RBPJ: variants seen among roughly 807,000 people sequenced by gnomAD.
RBPJ encodes recombining binding protein suppressor of hairless.
A neutral mutation model predicts 67.8 loss-of-function variants in RBPJ; 9 were observed. That is an observed-to-expected ratio of 0.13 (90% CI 0.08 to 0.23). The LOEUF (loss-of-function observed/expected upper bound fraction) is 0.23, where lower values mean the gene tolerates loss of function less well. RBPJ is among the 10% of genes least tolerant of loss of function. The pLI is 1.00. For synonymous variants in RBPJ, 198 were observed against 203.3 expected, an observed-to-expected ratio of 0.97 and a Z score of 0.22; for missense variants, 305 against 595.6, an observed-to-expected ratio of 0.51 and a Z score of 5.08.
chr4:26,291,057 T>C (rs1721651196), intron 1 of RBPJ, among the ~76,000 whole-genome samples: 1 of 150,948 alleles, frequency 6.6e-6, no homozygotes, highest in Non-Finnish European at 1.5e-5. Flanking sequence ...TTATTACCCA[T>C]ATTTCTATAA....
chr4:26,246,735 T>A (rs1023033874), intron 1 of RBPJ, among the ~76,000 whole-genome samples: 25 of 152,224 alleles, frequency 1.6e-4, no homozygotes, highest in Admixed American at 9.2e-4. Context: ...TTTTGCACAG[T>A]TCTCTCTCTA....
intron 1 of RBPJ, among the ~76,000 whole-genome samples, chr4:26,193,342 A>G (rs1259089931): frequency 6.6e-6 from 1 of 152,214 alleles, no homozygotes; most frequent in South Asian, 2.1e-4. Context: ...TCTTGCTTCC[A>G]TATTGAAAAT....
At chr4:26,337,682 C>CG (rs1725006734) in intron 1 of RBPJ, among the ~76,000 whole-genome samples, 2 of 108,000 alleles carry the variant, frequency 1.9e-5, no homozygotes, top group Middle Eastern at 5.0e-3. Flanking sequence ...ATTCTTTATC[C>CG]TTTTTTTTTT....
At chr4:26,109,577 C>CTA in the RBPJ span, among the ~76,000 whole-genome samples, 47 of 49,556 alleles carry the variant, frequency 9.5e-4, 7 homozygotes, top group African/African-American at 2.9e-3. Context: ...CTCTCTCTCT[C>CTA]TCTATATATA....
chr4:26,415,461 CTAT>C lies in RBPJ; in HGVS notation c.156-9_156-7del. The C allele has an allele frequency of 6.4e-7, 1 of 1,557,640 alleles. No individual in the cohort carries two copies. Among genetic ancestry groups the C allele is most frequent in the East Asian group, 2.3e-5 (1 of 43,838 alleles). On this transcript the variant is annotated splice_polypyrimidine_tract_variant and intron_variant, in intron 3 of 10. Transcript: ENST00000355476. ...TTTGCTTCTTGTTTTTTTTTTTCCC[CTAT>C]TATTCTTCAGGTTTTTTTGCCCACC...
chr4:26,133,850 G>C, the RBPJ span, among the ~76,000 whole-genome samples: 1 of 151,986 alleles, frequency 6.6e-6, no homozygotes, highest in Non-Finnish European at 1.5e-5. Flanking sequence ...CCCCTCTTCA[G>C]ACTCTAGATT....
At chr4:26,341,243 G>T (rs1461621300) in intron 1 of RBPJ, among the ~76,000 whole-genome samples, 1 of 152,160 alleles carries the variant, frequency 6.6e-6, no homozygotes, top group Non-Finnish European at 1.5e-5. Context: ...AAACAGGAGT[G>T]TAGTATCCTA....
chr4:26,138,913 A>G, the RBPJ span, among the ~76,000 whole-genome samples: 1 of 152,232 alleles, frequency 6.6e-6, no homozygotes, highest in African/African-American at 2.4e-5. Flanking sequence ...GTGCTAGGCA[A>G]GAAGCTGGGG....
chr4:26,424,316 A>G lies in RBPJ; in HGVS notation c.497-26A>G, dbSNP rs1735423566. 6.2e-7 allele frequency: 1 copy of G among 1,609,870 alleles called. No homozygotes were observed. Among genetic ancestry groups the G allele is most frequent in the South Asian group, 1.1e-5 (1 of 90,704 alleles). The stretch of plus-strand genomic sequence containing the variant: ...TCCCCACCTTCTGCTCCAATCACAT[A>G]AATAAGAGCTGTTTTTTCTTTGCAG... On this transcript the variant is annotated intron_variant, in intron 5 of 10. Coordinates refer to ENST00000355476, the MANE Select transcript of RBPJ (RefSeq NM_015874.6). The surrounding 1 kb of genome is among the most constrained non-coding windows in gnomAD (Gnocchi z 5.3).
intron 1 of RBPJ, among the ~76,000 whole-genome samples, chr4:26,383,482 CTG>C (rs1730520707): frequency 6.6e-6 from 1 of 152,170 alleles, no homozygotes; most frequent in Admixed American, 6.5e-5. Context: ...CATTTGTTAA[CTG>C]TGTGTCTCTA....
chr4:26,200,024 G>T (rs369839850), intron 1 of RBPJ, among the ~76,000 whole-genome samples: 1 of 152,160 alleles, frequency 6.6e-6, no homozygotes, highest in African/African-American at 2.4e-5. Context: ...CTCCAGCAAC[G>T]TTTCCACGTT....
intron 1 of RBPJ, among the ~76,000 whole-genome samples, chr4:26,267,610 T>TATTA (rs1720744803): frequency 6.6e-6 from 1 of 151,752 alleles, no homozygotes; most frequent in Non-Finnish European, 1.5e-5. Flanking sequence ...TTTTTAAATT[T>TATTA]ATTTATTTAT....
the RBPJ span, among the ~76,000 whole-genome samples, chr4:26,140,150 G>A: frequency 5.9e-5 from 9 of 152,264 alleles, no homozygotes; most frequent in East Asian, 7.7e-4. Context: ...ACAGTACTAC[G>A]TAAATGTCAC....
chr4:26,302,946 C>T (rs953003028), intron 1 of RBPJ, among the ~76,000 whole-genome samples: 3 of 151,564 alleles, frequency 2.0e-5, no homozygotes, highest in Admixed American at 6.6e-5. Context: ...TTTGAGGGAC[C>T]GAGGTAGGCA....
chr4:26,350,518 G>GAA (rs1246395378), intron 1 of RBPJ, among the ~76,000 whole-genome samples: 1 of 152,142 alleles, frequency 6.6e-6, no homozygotes, highest in Non-Finnish European at 1.5e-5. Context: ...TAAATTTAGT[G>GAA]AAGTTTTCCA....
chr4:26,150,292 A>G, the RBPJ span, among the ~76,000 whole-genome samples: 2 of 152,222 alleles, frequency 1.3e-5, no homozygotes, highest in African/African-American at 4.8e-5. Context: ...TGCATCCTAC[A>G]GATGAGAACC....
At chr4:26,161,931 T>C (rs1246583323), upstream of RBPJ, among the ~76,000 whole-genome samples, 2 of 152,236 alleles carry the variant, frequency 1.3e-5, no homozygotes, top group Non-Finnish European at 2.9e-5. Context: ...AACCAGTCTC[T>C]GGTAAGGAGA....
chr4:26,423,667 G>C (rs1050414408), intron 5 of RBPJ, among the ~76,000 whole-genome samples: 3 of 152,186 alleles, frequency 2.0e-5, no homozygotes, highest in Admixed American at 1.3e-4. Context: ...CTTTGTGTTT[G>C]TACTGAATAT....
At chr4:26,357,438 G>A (rs576327602) in intron 1 of RBPJ, among the ~76,000 whole-genome samples, 12 of 152,232 alleles carry the variant, frequency 7.9e-5, no homozygotes, top group African/African-American at 2.9e-4. Context: ...GCCACTTAAC[G>A]AAGATAGAAA....
Sources: allele counts gnomAD v4.1 joint callset (sites outside exome capture counted in the v4.1 genomes callset), GRCh38; gene constraint gnomAD v4.1.1; non-coding constraint Gnocchi (gnomAD v3.1); transcripts MANE v1.5; gene names NCBI Gene and HGNC (gene_info 2026-07-23, HGNC 2026-07-21).